MARCHF1: variants seen among roughly 807,000 people sequenced by gnomAD.
MARCHF1 encodes the protein membrane associated ring-CH-type finger 1.
In MARCHF1, 40 loss-of-function variants were observed where a neutral mutation model predicts 54.2. That is an observed-to-expected ratio of 0.74 (90% CI 0.57 to 0.96). The LOEUF (loss-of-function observed/expected upper bound fraction) is 0.96. Ranked by LOEUF, MARCHF1 falls within the 40% of genes least tolerant of loss-of-function variation. The pLI is 0.00. For synonymous variants in MARCHF1, 236 were observed against 236.3 expected (o/e 1.00, Z 0.01); for missense variants, 586 against 656.5 (o/e 0.89, Z 1.17).
At chr4:163,796,884 C>A (rs1381044536) in intron 4 of MARCHF1, among the ~76,000 whole-genome samples, 1 of 152,178 alleles carries the variant, frequency 6.6e-6, no homozygotes, top group Non-Finnish European at 1.5e-5. Flanking sequence ...GATCTGACTG[C>A]ATCTTACGAT....
At chr4:164,260,109 T>C (rs35722030) in intron 1 of MARCHF1, among the ~76,000 whole-genome samples, 11,433 of 152,208 alleles carry the variant, frequency 0.075, 506 homozygotes, top group Middle Eastern at 0.15. Context: ...AATTTTCTTC[T>C]TGACATTAAA....
intron 1 of MARCHF1, among the ~76,000 whole-genome samples, chr4:164,348,769 T>A (rs1215307284): frequency 6.6e-6 from 1 of 152,102 alleles, no homozygotes; most frequent in Non-Finnish European, 1.5e-5. Flanking sequence ...CTTCAGTCAT[T>A]AAGTGACCAT....
intron 2 of MARCHF1, among the ~76,000 whole-genome samples, chr4:164,078,922 A>T (rs73871745): frequency 0.027 from 4,105 of 152,244 alleles, 154 homozygotes; most frequent in East Asian, 0.19. Context: ...AGTATAATAA[A>T]AAAAAAAGAA....
chr4:163,754,405 T>C (rs1746606676), intron 4 of MARCHF1, among the ~76,000 whole-genome samples: 1 of 152,152 alleles, frequency 6.6e-6, no homozygotes, highest in South Asian at 2.1e-4. Flanking sequence ...GAATAAAAAT[T>C]GGAAGTGAAA....
chr4:164,381,719 G>A (rs7661262), intron 1 of MARCHF1, among the ~76,000 whole-genome samples: 29,756 of 151,998 alleles, frequency 0.2, 3,194 homozygotes, highest in East Asian at 0.33. Context: ...AAGCTCGTAC[G>A]TTCATAAGTC....
At chr4:163,776,676 T>C (rs1190105399) in intron 4 of MARCHF1, among the ~76,000 whole-genome samples, 2 of 152,136 alleles carry the variant, frequency 1.3e-5, no homozygotes, top group Non-Finnish European at 2.9e-5. Flanking sequence ...CATCTCCGTA[T>C]CTCCAACACT....
In MARCHF1 at chr4:164,282,033, C is replaced by T. The variant is rs546316596; in HGVS notation, c.-323+101837G>A. Among the ~76,000 whole-genome samples, 11 of 151,048 alleles carry T rather than the reference C, an allele frequency of 7.3e-5. 2 individuals carry two copies. In the East Asian group the frequency reaches 1.8e-3, roughly 25 times the overall value. Reference sequence around the variant, plus strand: ...TCATCGTTTCACTCTACCCTATAGACCTCTAGTACCCAATTTATAAACTTG... The same window carrying T: ...TCATCGTTTCACTCTACCCTATAGATCTCTAGTACCCAATTTATAAACTTG... On this transcript the variant is annotated intron_variant, in intron 1 of 9. Transcript: ENST00000514618.
At chr4:163,809,471 AAG>A (rs1372299873) in intron 4 of MARCHF1, among the ~76,000 whole-genome samples, 1 of 152,154 alleles carries the variant, frequency 6.6e-6, no homozygotes, top group Non-Finnish European at 1.5e-5. Context: ...TCTCTTTGGT[AAG>A]AGAAAATTTC....
chr4:164,177,832 C>G lies in MARCHF1; in HGVS notation c.-322-66170G>C, dbSNP rs71616621. On this transcript the variant is annotated intron_variant, in intron 1 of 9. Transcript: ENST00000514618. ...ACACACACACACACACACACACACA[C>G]AGAGAGACAAAGAAAGACAGAGACA... 6.9e-3 allele frequency among the ~76,000 whole-genome samples: 958 copies of G among 138,766 alleles called. 10 individuals are homozygous for G. Among genetic ancestry groups the G allele is most frequent in the African/African-American group, 0.022 (866 of 39,042 alleles). The allele number at this position is 138,766 out of a possible 152,430, so 91.0% of individuals were successfully genotyped here.
chr4:164,253,359 T>C lies in MARCHF1; in HGVS notation c.-323+130511A>G, dbSNP rs182902966. On this transcript the variant is annotated intron_variant, in intron 1 of 9. Coordinates refer to ENST00000514618, the MANE Select transcript of MARCHF1 (RefSeq NM_001394959.1). ...CTACTCAACCTTTTTGAAGTAAAAC[T>C]ATATTCCACTGAGTAGAAAACCTTC... Among the ~76,000 whole-genome samples the C allele has an allele frequency of 3.6e-3, 554 of 152,284 alleles. 4 individuals are homozygous for C. The highest frequency in any genetic ancestry group is 0.013 in the African/African-American group (522 of 41,580).
intron 5 of MARCHF1, among the ~76,000 whole-genome samples, chr4:163,678,685 T>G (rs1743995854): frequency 6.6e-6 from 1 of 152,242 alleles, no homozygotes; most frequent in Admixed American, 6.5e-5. Flanking sequence ...CTTCATTGCC[T>G]GTGTCTCTTT....
chr4:163,958,244 AGTGTGT>A (rs58660279), intron 3 of MARCHF1, among the ~76,000 whole-genome samples: 57,854 of 148,400 alleles, frequency 0.39, 11,202 homozygotes, highest in East Asian at 0.51. Context: ...CAATCAAGTG[AGTGTGT>A]GTGTGTGTGT....
chr4:163,898,568 C>A (rs1015862592), intron 3 of MARCHF1, among the ~76,000 whole-genome samples: 2 of 152,120 alleles, frequency 1.3e-5, no homozygotes, highest in Non-Finnish European at 2.9e-5. Context: ...AAAGGGAATG[C>A]TTAAATACTG....
chr4:163,758,671 C>T (rs753066182), intron 4 of MARCHF1, among the ~76,000 whole-genome samples: 45 of 152,238 alleles, frequency 3.0e-4, no homozygotes, highest in Middle Eastern at 3.4e-3. Context: ...CATGTTGTAA[C>T]TTTTATGAGT....
intron 1 of MARCHF1, among the ~76,000 whole-genome samples, chr4:164,348,177 T>C (rs1730168053): frequency 6.7e-6 from 1 of 149,210 alleles, no homozygotes; most frequent in Non-Finnish European, 1.5e-5. Context: ...ATCAAAAGAG[T>C]ATGCTTCTTT....
intron 3 of MARCHF1, among the ~76,000 whole-genome samples, chr4:163,972,903 G>A (rs1382848400): frequency 6.6e-6 from 1 of 152,078 alleles, no homozygotes; most frequent in African/African-American, 2.4e-5. Flanking sequence ...AATCTAAGGG[G>A]CTCAATTTAG....
chr4:163,955,561 C>T (rs1013671729), intron 3 of MARCHF1, among the ~76,000 whole-genome samples: 5 of 152,108 alleles, frequency 3.3e-5, no homozygotes, highest in Admixed American at 6.5e-5. Context: ...TGTGCCCCTG[C>T]GTGTGTTTTT....
At chr4:163,922,868 A>G (rs540011582) in intron 3 of MARCHF1, among the ~76,000 whole-genome samples, 3 of 152,190 alleles carry the variant, frequency 2.0e-5, no homozygotes, top group African/African-American at 7.2e-5. Context: ...TCTTCCAAAA[A>G]TTTTAGAGCT....
At chr4:164,276,947 T>TATATAGAGAG (rs1392528920) in intron 1 of MARCHF1, among the ~76,000 whole-genome samples, 1 of 118,822 alleles carries the variant, frequency 8.4e-6, no homozygotes, top group African/African-American at 2.9e-5. Flanking sequence ...TATATATATA[T>TATATAGAGAG]AGAGAGAGAG....
Sources: gnomAD v4.1 joint callset for allele counts (sites outside exome capture counted in the v4.1 genomes callset) on GRCh38, gnomAD v4.1.1 for gene constraint, MANE v1.5 for transcripts, NCBI Gene and HGNC (gene_info 2026-07-23, HGNC 2026-07-21) for gene names.